The following FA2H variants were observed in gnomAD, a reference collection of about 807,000 sequenced individuals.
The protein encoded by FA2H is fatty acid 2-hydroxylase, also known as fatty acid alpha-hydroxylase.
In FA2H, 22 loss-of-function variants were observed where a neutral mutation model predicts 44.9. The observed-to-expected ratio is 0.49, with a 90% CI of 0.35 to 0.70. FA2H has a LOEUF of 0.70. Ranked by LOEUF, FA2H falls within the 30% of genes least tolerant of loss-of-function variation. The probability of loss-of-function intolerance (pLI) is 0.01; values close to 1 mark genes in which losing one functional copy is unlikely to be tolerated. For missense variants in FA2H, 501 were observed against 504.9 expected (o/e 0.99, Z 0.07); for synonymous variants, 243 against 213.2 (o/e 1.14, Z -1.22).
intron 2 of FA2H, among the ~76,000 whole-genome samples, chr16:74,736,326 A>C (rs1962179325): frequency 6.6e-6 from 1 of 152,112 alleles, no homozygotes; most frequent in Non-Finnish European, 1.5e-5. Flanking sequence ...GAGAGAAAGG[A>C]GGCCCAAGGG....
intron 4 of FA2H, among the ~76,000 whole-genome samples, chr16:74,724,351 C>T (rs1443474498): frequency 6.6e-6 from 1 of 152,218 alleles, no homozygotes; most frequent in Non-Finnish European, 1.5e-5. Flanking sequence ...CTAACGTGCT[C>T]TCAGAAGCTG....
chr16:74,769,418 G>A (rs141983197), intron 1 of FA2H, among the ~76,000 whole-genome samples: 5 of 152,078 alleles, frequency 3.3e-5, no homozygotes, highest in Non-Finnish European at 7.4e-5. Flanking sequence ...TAAAGTGCAC[G>A]TAAAAGCTTT....
chr16:74,736,716 G>C (rs1390666189), intron 2 of FA2H, among the ~76,000 whole-genome samples: 2 of 152,206 alleles, frequency 1.3e-5, no homozygotes, highest in African/African-American at 4.8e-5. Flanking sequence ...ATGGGGAAGA[G>C]GATGTGGCTG....
At chr16:74,719,925 G>A (rs944886775) in intron 4 of FA2H, among the ~76,000 whole-genome samples, 2 of 130,274 alleles carry the variant, frequency 1.5e-5, no homozygotes, top group African/African-American at 5.8e-5. Flanking sequence ...GAAAAAACAA[G>A]CACCGAGATC....
chr16:74,758,341 C>T (rs1362951563), intron 1 of FA2H, among the ~76,000 whole-genome samples: 2 of 151,606 alleles, frequency 1.3e-5, no homozygotes, highest in African/African-American at 4.8e-5. Flanking sequence ...AGACTGGTCT[C>T]GAACTCCTGA....
chr16:74,716,281 G>A lies in FA2H; in HGVS notation c.1039+66C>T, dbSNP rs528456496. The A allele has an allele frequency of 2.0e-4, 311 of 1,577,916 alleles. 2 individuals carry two copies. The African/African-American group carries it at 3.6e-3, about 18-fold the overall frequency. On this transcript the variant is annotated intron_variant, in intron 6 of 6. Transcript: ENST00000219368. ...AGTGCCTTGCCGTTCCCAGGAGCTC[G>A]ATGGTAGTTGGCAAATAAATCAATG...
chr16:74,759,622 C>T (rs1366973199), intron 1 of FA2H, among the ~76,000 whole-genome samples: 2 of 152,204 alleles, frequency 1.3e-5, no homozygotes, highest in East Asian at 1.9e-4. Flanking sequence ...TTACTTTCCC[C>T]GGGAAGGTCA....
chr16:74,740,357 C>A (rs1194635358), intron 1 of FA2H, among the ~76,000 whole-genome samples: 1 of 152,110 alleles, frequency 6.6e-6, no homozygotes, highest in Non-Finnish European at 1.5e-5. Context: ...TGGCTCACAC[C>A]TGTAATCCCA....
chr16:74,739,408 C>A (rs181362758), intron 2 of FA2H, among the ~76,000 whole-genome samples: 93 of 152,282 alleles, frequency 6.1e-4, no homozygotes, highest in African/African-American at 2.1e-3. Context: ...TCCCCTGCCG[C>A]TGAGTGACTC....
chr16:74,733,882 C>T (rs1175114898), intron 2 of FA2H, among the ~76,000 whole-genome samples: 1 of 152,218 alleles, frequency 6.6e-6, no homozygotes, highest in Non-Finnish European at 1.5e-5. Context: ...ATTCTGGACA[C>T]ACCCTTCCCC....
At chr16:74,728,690 A>G (rs1407828255) in intron 2 of FA2H, among the ~76,000 whole-genome samples, 1 of 152,138 alleles carries the variant, frequency 6.6e-6, no homozygotes, top group Non-Finnish European at 1.5e-5. Context: ...CTCACAGGCT[A>G]ATCCCCAGAG....
At chr16:74,714,833 AATTT>A (rs1182704122) in intron 6 of FA2H, among the ~76,000 whole-genome samples, 1 of 141,908 alleles carries the variant, frequency 7.0e-6, no homozygotes, top group Non-Finnish European at 1.5e-5. Flanking sequence ...GAGTTACTGG[AATTT>A]TTTTTTTTTT....
intron 1 of FA2H, among the ~76,000 whole-genome samples, chr16:74,773,241 A>C (rs115919096): frequency 0.022 from 3,373 of 152,320 alleles, 60 homozygotes; most frequent in African/African-American, 0.055. Flanking sequence ...TTTGAGAGAA[A>C]GGGACCACAT....
chr16:74,756,360 C>T (rs935624948), intron 1 of FA2H, among the ~76,000 whole-genome samples: 3 of 152,134 alleles, frequency 2.0e-5, no homozygotes, highest in East Asian at 3.9e-4. Context: ...ACTGCTTGGA[C>T]GGACAACCAC....
chr16:74,765,395 A>G (rs188008295), intron 1 of FA2H, among the ~76,000 whole-genome samples: 1 of 152,170 alleles, frequency 6.6e-6, no homozygotes, highest in East Asian at 1.9e-4. Context: ...GACCTCAGGT[A>G]ATCCGCCTGC....
At chr16:74,753,345 C>T (rs1962560798) in intron 1 of FA2H, among the ~76,000 whole-genome samples, 1 of 152,172 alleles carries the variant, frequency 6.6e-6, no homozygotes, top group African/African-American at 2.4e-5. Flanking sequence ...TGCTCCGCAC[C>T]AAACGCTACG....
At chr16:74,716,313 C>T (rs775616144) in intron 6 of FA2H, 34 bp downstream of exon 6, 78 of 1,610,232 alleles carry the variant, frequency 4.8e-5, no homozygotes, top group Non-Finnish European at 6.4e-5. Flanking sequence ...AATGAACACA[C>T]ATAGGGGGCT....
chr16:74,740,093 A>G lies in FA2H; in HGVS notation c.293T>C (p.Val98Ala). ...TGTCTTCTGAGTTTCCTCAAGGGCT[A>G]CAGGCTCGTTCTCCATGGAGCCCTG... The part of the protein sequence containing the change: ...EQQGSMENEP[V>A]ALEETQKTDP... Residue 98 changes from valine (V) to alanine (A), a missense_variant, in exon 2 of 7, where the codon GTA (valine) becomes GCA (alanine). Val to Ala is a moderately conservative substitution (Grantham distance 64, BLOSUM62 0). Transcript: ENST00000219368. 1 of 1,613,750 alleles carries G rather than the reference A, an allele frequency of 6.2e-7. No individual in the cohort carries two copies.
chr16:74,768,789 A>G (rs1270556548), intron 1 of FA2H, among the ~76,000 whole-genome samples: 2 of 152,130 alleles, frequency 1.3e-5, no homozygotes, highest in Non-Finnish European at 2.9e-5. Context: ...TTACAGACCC[A>G]TGTGTGGCTG....
Sources: gnomAD v4.1 joint callset for allele counts (sites outside exome capture counted in the v4.1 genomes callset) on GRCh38, gnomAD v4.1.1 for gene constraint, MANE v1.5 for transcripts, NCBI Gene and HGNC (gene_info 2026-07-23, HGNC 2026-07-21) for gene names.